The following VSIG10L variants were observed in gnomAD, a reference collection of about 807,000 sequenced individuals.
VSIG10L encodes V-set and immunoglobulin domain containing 10 like, also known as V-set and immunoglobulin domain-containing protein 10-like.
A neutral mutation model predicts 67.3 loss-of-function variants in VSIG10L; 63 were observed. The ratio of observed to expected loss-of-function variants is 0.94; its 90% CI spans 0.76 to 1.15. VSIG10L has a LOEUF of 1.15. Among genes scored for constraint, VSIG10L ranks in the 50% most tolerant of loss-of-function variants. The pLI, the probability that VSIG10L is intolerant of heterozygous loss-of-function variation, is 0.00. For synonymous variants in VSIG10L, 499 were observed against 524.9 expected, an observed-to-expected ratio of 0.95 and a Z score of 0.67; for missense variants, 1,050 against 1,177.5, an observed-to-expected ratio of 0.89 and a Z score of 1.58.
chr19:51,339,055 GC>G lies in VSIG10L; in HGVS notation c.1561del (p.Ala521ProfsTer167). 3 of 1,339,700 alleles carry G rather than the reference GC, an allele frequency of 2.2e-6. No homozygotes were observed. Among genetic ancestry groups the G allele is most frequent in the Non-Finnish European group, 2.9e-6 (3 of 1,037,362 alleles). 83.0% of individuals were successfully genotyped at this position (1,339,700 alleles called of 1,614,324 possible). A position where few individuals can be genotyped will look rare whatever the true frequency, so the allele number is the denominator to read the frequency against. On this transcript the variant is annotated frameshift_variant, in exon 5 of 10. Transcript: ENST00000335624. LOFTEE classifies it high-confidence loss of function. ...LRFRCSWPGG[A>X]PAASLQFQGL... ...CTGGAACTGCAGGGAGGCAGCAGGGGCCCCGCCGGGCCACGAGCAGCGGAAG... is the reference window on the plus strand; with the variant it reads ...CTGGAACTGCAGGGAGGCAGCAGGGGCCCGCCGGGCCACGAGCAGCGGAAG...
Position 51,341,170 on chromosome 19 carries a change from A to T in VSIG10L, c.878T>A (p.Phe293Tyr). ...RAGVSQQTHE[F>Y]TVGVYEPLPQ... ...CCACTTACCATACACACCCACCGTG[A>T]ACTCGTGAGTCTGCTGGGAGACCCC... Residue 293 changes from phenylalanine (F) to tyrosine (Y), a missense_variant, in exon 2 of 10, where the codon TTC becomes TAC. Transcript: ENST00000335624. 6.5e-7 allele frequency: 1 copy of T among 1,527,476 alleles called. No homozygotes were observed. Among genetic ancestry groups the T allele is most frequent in the East Asian group, 2.5e-5 (1 of 40,598 alleles). The allele number at this position is 1,527,476 out of a possible 1,614,324, so 94.6% of individuals were successfully genotyped here.
rs1985590868 is a variant in VSIG10L, at chr19:51,340,138, G to A, written c.1351C>T (p.Pro451Ser). The A allele has an allele frequency of 1.5e-6, 2 of 1,315,080 alleles. No individual in the cohort carries two copies. The highest frequency in any genetic ancestry group is 3.1e-5 in the East Asian group (1 of 31,868). 81.5% of individuals were successfully genotyped at this position (1,315,080 alleles called of 1,614,324 possible). A position where few individuals can be genotyped will look rare whatever the true frequency, so the allele number is the denominator to read the frequency against. Residue 451 changes from proline to serine, a missense_variant, in exon 4 of 10, where the codon CCC becomes TCC. Transcript: ENST00000335624. The surrounding 1 kb of genome is among the most constrained non-coding windows in gnomAD (Gnocchi z 6.3). ...SLADPAEAAV[P>S]AGSRLLLPAV... ...GGCAGCAGGAGGCGCGACCCCGCGG[G>A]CACCGCGGCCTCGGCCGGGTCCGCC...
chr19:51,336,637 G>T (rs1014026982), intron 7 of VSIG10L, among the ~76,000 whole-genome samples: 1 of 152,124 alleles, frequency 6.6e-6, no homozygotes, highest in Non-Finnish European at 1.5e-5. Flanking sequence ...GGAGGCAGAG[G>T]TTGGAGTGAT....
Position 51,338,204 on chromosome 19 carries a change from G to A in VSIG10L, c.1734C>T (p.Ala578=). 6.8e-7 allele frequency: 1 copy of A among 1,465,502 alleles called. No homozygotes were observed. The highest frequency in any genetic ancestry group is 1.4e-5 in the South Asian group (1 of 70,538). The allele number at this position is 1,465,502 out of a possible 1,614,324, so 90.8% of individuals were successfully genotyped here. A position where few individuals can be genotyped will look rare whatever the true frequency, so the allele number is the denominator to read the frequency against. The change falls in exon 6 of 10, where the codon GCC becomes GCT. Residue 578 remains alanine (A), a synonymous_variant. Coordinates refer to ENST00000335624, the MANE Select transcript of VSIG10L (RefSeq NM_001163922.3). Reference sequence around the variant, plus strand: ...GCGGATGCAGCAGCACCTCTCGGGGGGCCTCTGCCGGTGGGAGAAGTCCAG... The same window carrying A: ...GCGGATGCAGCAGCACCTCTCGGGGAGCCTCTGCCGGTGGGAGAAGTCCAG... The part of the protein sequence containing the change: ...ATRTCTVTPE[A]PREVLLHPLV...
At position 51,338,176 on chromosome 19, in the gene VSIG10L, C is replaced by G. The variant is rs1002255545; in HGVS notation, c.1762G>C (p.Val588Leu). 6.7e-7 allele frequency: 1 copy of G among 1,503,296 alleles called. No homozygotes were observed. The highest frequency in any genetic ancestry group is 2.3e-5 in the Admixed American group (1 of 43,504). The allele number at this position is 1,503,296 out of a possible 1,614,324, so 93.1% of individuals were successfully genotyped here. A position where few individuals can be genotyped will look rare whatever the true frequency, so the allele number is the denominator to read the frequency against. Residue 588 changes from valine to leucine, a missense_variant, in exon 6 of 10, where the codon GTG becomes CTG. Coordinates refer to ENST00000335624, the MANE Select transcript of VSIG10L (RefSeq NM_001163922.3). ...GCCTCCCCCAACCGTGTCTCTGCCA[C>G]CAGCGGATGCAGCAGCACCTCTCGG... is the stretch of plus-strand genomic sequence containing the variant. ...APREVLLHPL[V>L]AETRLGEAEV...
rs1209131026 is a variant in VSIG10L, at chr19:51,337,964, C to T, written c.1974G>A (p.Ala658=). 3.9e-6 allele frequency: 6 copies of T among 1,550,764 alleles called. No individual in the cohort carries two copies. The highest frequency in any genetic ancestry group is 2.7e-5 in the African/African-American group (2 of 72,984). The change falls in exon 6 of 10, where the codon GCG becomes GCA. Residue 658 remains alanine, a synonymous_variant. Coordinates refer to ENST00000335624, the MANE Select transcript of VSIG10L (RefSeq NM_001163922.3). ...TGATCTGGTCACCGCCAGCACCCAGCGCCCCACTGCACAGCACGGAGTAAT... is the reference window on the plus strand; with the variant it reads ...TGATCTGGTCACCGCCAGCACCCAGTGCCCCACTGCACAGCACGGAGTAAT... ...LGNYSVLCSG[A]LGAGGDQITL... is the part of the protein sequence containing the mutation.
intron 8 of VSIG10L, 49 bp downstream of exon 8, chr19:51,334,142 G>GTCCC: frequency 6.5e-7 from 1 of 1,539,214 alleles, no homozygotes; most frequent in African/African-American, 1.4e-5. Flanking sequence ...TCTTTCTAGG[G>GTCCC]TCCCTCCCCG....
At chr19:51,338,605 G>A (rs1985547244) in intron 5 of VSIG10L, among the ~76,000 whole-genome samples, 1 of 152,084 alleles carries the variant, frequency 6.6e-6, no homozygotes, top group Non-Finnish European at 1.5e-5. Flanking sequence ...TGCGATTATT[G>A]CGCCCGGCCT....
At chr19:51,335,804 C>G (rs1985465270) in intron 7 of VSIG10L, among the ~76,000 whole-genome samples, 1 of 151,926 alleles carries the variant, frequency 6.6e-6, no homozygotes, top group South Asian at 2.1e-4. Flanking sequence ...CCCAGCTACT[C>G]TGGAGGCTGA....
intron 5 of VSIG10L, among the ~76,000 whole-genome samples, chr19:51,338,575 G>C (rs761894506): frequency 6.6e-6 from 1 of 151,922 alleles, no homozygotes; most frequent in African/African-American, 2.4e-5. Context: ...CAATCCTCCC[G>C]CCCCCAGCTA....
rs759033995 is a variant in VSIG10L at position 51,341,406 on chromosome 19, G to T, written c.642C>A (p.Ile214=). Residue 214 remains isoleucine, a synonymous_variant, in exon 2 of 10, where the codon ATC becomes ATA. Coordinates refer to ENST00000335624, the MANE Select transcript of VSIG10L (RefSeq NM_001163922.3). Reference sequence around the variant, plus strand: ...GAGAGGTGGGGGGCCCAGGGTTGGGGATTGGGACTAGGGGGAGCCGGATGG... The same window carrying T: ...GAGAGGTGGGGGGCCCAGGGTTGGGTATTGGGACTAGGGGGAGCCGGATGG... The part of the protein sequence containing the change: ...GTTIRLPLVP[I]PNPGPPTSLV... 4 of 1,534,796 alleles carry T rather than the reference G, an allele frequency of 2.6e-6. No homozygotes were observed. In the South Asian group the frequency reaches 4.9e-5, roughly 19 times the overall value.
intron 9 of VSIG10L, 39 bp downstream of exon 9, chr19:51,333,752 G>A (rs528923776): frequency 8.0e-6 from 12 of 1,502,914 alleles, no homozygotes; most frequent in African/African-American, 4.2e-5. Flanking sequence ...AAGAAGTTCC[G>A]CCCCGATTCC....
intron 7 of VSIG10L, 97 bp from the exon 8 acceptor site, chr19:51,334,401 C>T: frequency 2.0e-6 from 2 of 1,018,182 alleles, no homozygotes. Context: ...ACCCAGGAGT[C>T]CGGCCCCCAC....
At position 51,333,956 on chromosome 19, in the gene VSIG10L, G is replaced by A. The variant is rs1985418092; in HGVS notation, c.2420-11C>T. ...TCTCAGGAGTCTTTCCTGATTGAGA[G>A]GCAGAAGAGAAGCAGGAACACGTGA... On this transcript the variant is annotated splice_polypyrimidine_tract_variant and intron_variant, in intron 8 of 9. Transcript: ENST00000335624. The A allele has an allele frequency of 6.4e-7, 1 of 1,550,996 alleles. No homozygotes were observed. The highest frequency in any genetic ancestry group is 2.0e-5 in the Admixed American group (1 of 50,900).
rs1985374525 is a variant in VSIG10L at position 51,332,169 on chromosome 19, A to G, written c.*442T>C. 4.1e-6 allele frequency: 1 copy of G among 245,624 alleles called. No homozygotes were observed. Among genetic ancestry groups the G allele is most frequent in the African/African-American group, 2.3e-5 (1 of 43,892 alleles). 15.2% of individuals were successfully genotyped at this position (245,624 alleles called of 1,614,324 possible). On this transcript the variant is annotated 3_prime_UTR_variant, in exon 10 of 10. Coordinates refer to ENST00000335624, the MANE Select transcript of VSIG10L (RefSeq NM_001163922.3). Reference sequence around the variant, plus strand: ...GCACAGGCCGTAGAAGCGTTTAAAGAGAAGAGTGACATGATCTGATCTGTT... The same window carrying G: ...GCACAGGCCGTAGAAGCGTTTAAAGGGAAGAGTGACATGATCTGATCTGTT...
Position 51,332,233 on chromosome 19 carries a change from T to C in VSIG10L, c.*378A>G, listed in dbSNP as rs1985375478. 1 of 362,028 alleles carries C rather than the reference T, an allele frequency of 2.8e-6. No homozygotes were observed. The allele number at this position is 362,028 out of a possible 1,614,324, so 22.4% of individuals were successfully genotyped here. ...GCTGGGAGCTGGATGGGGTGTGGCC[T>C]ACAGGTGGCAAAGTGAATGTAAGGG... On this transcript the variant is annotated 3_prime_UTR_variant, in exon 10 of 10. Coordinates refer to ENST00000335624, the MANE Select transcript of VSIG10L (RefSeq NM_001163922.3).
In VSIG10L at chr19:51,338,806, A is replaced by G. The variant is rs372881269; in HGVS notation, c.1729+82T>C. On this transcript the variant is annotated intron_variant, in intron 5 of 9. Transcript: ENST00000335624. The stretch of plus-strand genomic sequence containing the variant: ...TTCTTGGACTAAGGACGTACCCCAT[A>G]CCCCTTCAGAATTTTCGAAGGACCA... 40 of 1,321,758 alleles carry G rather than the reference A, an allele frequency of 3.0e-5. No homozygotes were observed. In the Admixed American group the frequency reaches 4.7e-4, roughly 16 times the overall value. 81.9% of individuals were successfully genotyped at this position (1,321,758 alleles called of 1,614,324 possible). A position where few individuals can be genotyped will look rare whatever the true frequency, so the allele number is the denominator to read the frequency against.
intron 9 of VSIG10L, 77 bp from the exon 10 acceptor site, chr19:51,332,717 T>A: frequency 7.2e-7 from 1 of 1,389,746 alleles, no homozygotes; most frequent in East Asian, 2.6e-5. Flanking sequence ...CCTAACTTTT[T>A]CTAGCTCTTG....
intron 8 of VSIG10L, 73 bp from the exon 9 acceptor site, chr19:51,334,018 G>T (rs1170423467): frequency 6.5e-7 from 1 of 1,537,610 alleles, no homozygotes; most frequent in South Asian, 1.2e-5. Flanking sequence ...CCAATAGCAA[G>T]GGAAGCTGGT....
Sources: allele counts gnomAD v4.1 joint callset (sites outside exome capture counted in the v4.1 genomes callset), GRCh38; gene constraint gnomAD v4.1.1; non-coding constraint Gnocchi (gnomAD v3.1); transcripts MANE v1.5; gene names NCBI Gene and HGNC (gene_info 2026-07-23, HGNC 2026-07-21).